The following ARHGEF18 variants were observed in gnomAD, a reference collection of about 807,000 sequenced individuals.
The protein encoded by ARHGEF18 is rho guanine nucleotide exchange factor 18.
ARHGEF18 carries 93 observed loss-of-function variants against 155.7 expected under a neutral mutation model. That is an observed-to-expected ratio of 0.60 (90% CI 0.50 to 0.71). The LOEUF (loss-of-function observed/expected upper bound fraction) is 0.71, where lower values mean the gene tolerates loss of function less well. ARHGEF18 is among the 30% of genes least tolerant of loss of function. The pLI is 0.00. For missense variants in ARHGEF18, 1,593 were observed against 1,816.1 expected (o/e 0.88, Z 2.23); for synonymous variants, 742 against 753.1 (o/e 0.99, Z 0.24).
rs74255765 is a variant in ARHGEF18, at chr19:7,364,456, A to T, written c.15+1551A>T. Among the ~76,000 whole-genome samples the T allele has an allele frequency of 4.3e-3, 656 of 152,096 alleles. 29 individuals are homozygous for T. In the East Asian group the frequency reaches 0.1, roughly 24 times the overall value. On this transcript the variant is annotated intron_variant, in intron 2 of 28. Transcript: ENST00000668164. ...CTAGAAAGGTAGACTGACTTGCCTA[A>T]GTTCCCGTCATGGCAGAGTTGGGAT...
intron 1 of ARHGEF18, among the ~76,000 whole-genome samples, chr19:7,353,352 G>T (rs1301434222): frequency 6.6e-6 from 1 of 151,858 alleles, no homozygotes. Context: ...ACTTTGGGAG[G>T]CTGAGGTGGT....
In ARHGEF18 at chr19:7,440,155, G is replaced by C; in HGVS notation, c.968-189G>C. The C allele has an allele frequency of 6.4e-7, 1 of 1,551,374 alleles. No homozygotes were observed. Among genetic ancestry groups the C allele is most frequent in the Non-Finnish European group, 8.7e-7 (1 of 1,146,934 alleles). Reference sequence around the variant, plus strand: ...GACAGGCACAGCGCGCTCCCCGGCCGCCCCGAGCTGTCTTTTTACGGCTCT... The same window carrying C: ...GACAGGCACAGCGCGCTCCCCGGCCCCCCCGAGCTGTCTTTTTACGGCTCT... On this transcript the variant is annotated intron_variant, in intron 10 of 28. Coordinates refer to ENST00000668164, the MANE Select transcript of ARHGEF18 (RefSeq NM_001367823.1). The surrounding 1 kb of genome is among the most constrained non-coding windows in gnomAD (Gnocchi z 5.4).
rs374185509 is a variant in ARHGEF18, at chr19:7,462,216, G to A, written c.2517G>A (p.Leu839=). 1 of 1,614,018 alleles carries A rather than the reference G, an allele frequency of 6.2e-7. No individual in the cohort carries two copies. Among genetic ancestry groups the A allele is most frequent in the Non-Finnish European group, 8.5e-7 (1 of 1,180,038 alleles). The change falls in exon 21 of 29, where the codon CTG becomes CTA. Residue 839 remains leucine (L), a synonymous_variant. Transcript: ENST00000668164. The surrounding 1 kb of genome is among the most constrained non-coding windows in gnomAD (Gnocchi z 4.4). ...TCCTAGAGAAACAGCAGATCTACCT[G>A]GAGATGGCCGAGATGGGCGGCCTCG... ...QSLLEKQQIY[L]EMAEMGGLED...
At chr19:7,409,057 CTTTTTTTTTTT>C (rs1013156166) in intron 10 of ARHGEF18, among the ~76,000 whole-genome samples, 2 of 115,534 alleles carry the variant, frequency 1.7e-5, no homozygotes, top group African/African-American at 7.4e-5. Flanking sequence ...GACCCTGTTT[CTTTTTTTTTTT>C]TTTTTTTTTG....
chr19:7,448,769 G>A (rs1975176545), intron 15 of ARHGEF18, among the ~76,000 whole-genome samples: 1 of 152,038 alleles, frequency 6.6e-6, no homozygotes, highest in Non-Finnish European at 1.5e-5. Context: ...TCCTTTGTGT[G>A]AGCGTGGGTA....
At chr19:7,380,179 A>G (rs919493850) in intron 7 of ARHGEF18, among the ~76,000 whole-genome samples, 1 of 151,202 alleles carries the variant, frequency 6.6e-6, no homozygotes, top group African/African-American at 2.4e-5. Flanking sequence ...CCCTGTTTAA[A>G]AAAAAAAAAA....
At chr19:7,434,666 T>A (rs1380649317) in intron 10 of ARHGEF18, among the ~76,000 whole-genome samples, 1 of 152,188 alleles carries the variant, frequency 6.6e-6, no homozygotes, top group Non-Finnish European at 1.5e-5. Context: ...GATAAATATG[T>A]ATCCCTGTCT....
At chr19:7,387,209 G>A (rs1005871770) in intron 10 of ARHGEF18, among the ~76,000 whole-genome samples, 1 of 152,064 alleles carries the variant, frequency 6.6e-6, no homozygotes, top group East Asian at 1.9e-4. Flanking sequence ...CTGGAGTACG[G>A]TGGCGCGATC....
chr19:7,360,382 CAT>C (rs1969496295), intron 1 of ARHGEF18, among the ~76,000 whole-genome samples: 1 of 152,064 alleles, frequency 6.6e-6, no homozygotes. Flanking sequence ...ATTATAAGCA[CAT>C]GCCACCATGC....
chr19:7,448,797 C>T (rs564818886), intron 15 of ARHGEF18, among the ~76,000 whole-genome samples: 57 of 152,196 alleles, frequency 3.7e-4, no homozygotes, highest in Admixed American at 1.3e-3. Context: ...GAAGCCCAGC[C>T]GGAGTCAGCC....
In ARHGEF18 at chr19:7,462,060, G is replaced by A. The variant is rs1489956020; in HGVS notation, c.2453-92G>A. On this transcript the variant is annotated intron_variant, in intron 20 of 28. Coordinates refer to ENST00000668164, the MANE Select transcript of ARHGEF18 (RefSeq NM_001367823.1). The surrounding 1 kb of genome is among the most constrained non-coding windows in gnomAD (Gnocchi z 4.4). ...CAGCCTACCTCAGGGCAGGGCCAGC[G>A]GGGTTCCTCATCCTTAGGCCAGTCC... 2.3e-5 allele frequency: 35 copies of A among 1,503,338 alleles called. No individual in the cohort carries two copies. The highest frequency in any genetic ancestry group is 2.3e-4 in the South Asian group (20 of 86,156). The allele number at this position is 1,503,338 out of a possible 1,614,324, so 93.1% of individuals were successfully genotyped here.
At position 7,469,941 on chromosome 19, in the gene ARHGEF18, G is replaced by A. The variant is rs2145923240; in HGVS notation, c.3825G>A (p.Lys1275=). 2 of 1,613,036 alleles carry A rather than the reference G, an allele frequency of 1.2e-6. No homozygotes were observed. Among genetic ancestry groups the A allele is most frequent in the East Asian group, 4.5e-5 (2 of 44,868 alleles). ...TGAAGCAGCAGCTGCTGCTCAACAA[G>A]CTCATGGGGAAAGATGAGAGCACCT... ...FDLKQQLLLN[K]LMGKDESTSR... is the part of the protein sequence containing the mutation. The change falls in exon 28 of 29, where the codon AAG becomes AAA. Residue 1275 remains lysine (K), a synonymous_variant. Coordinates refer to ENST00000668164, the MANE Select transcript of ARHGEF18 (RefSeq NM_001367823.1).
chr19:7,468,317 G>A lies in ARHGEF18; in HGVS notation c.3481-508G>A, dbSNP rs62109841. Among the ~76,000 whole-genome samples, 469 of 151,932 alleles carry A rather than the reference G, an allele frequency of 3.1e-3. 5 individuals carry two copies. The highest frequency in any genetic ancestry group is 5.6e-3 in the Non-Finnish European group (381 of 67,982). ...CCTAGCTACTCGGGAGGCTGAGGCC[G>A]GAGGATTGCTTGAGGCTAGGTATTT... is the stretch of plus-strand genomic sequence containing the variant. On this transcript the variant is annotated intron_variant, in intron 26 of 28. Coordinates refer to ENST00000668164, the MANE Select transcript of ARHGEF18 (RefSeq NM_001367823.1).
chr19:7,439,940 A>C (rs1412246649), intron 10 of ARHGEF18: 1 of 1,498,342 alleles, frequency 6.7e-7, no homozygotes, highest in African/African-American at 1.4e-5. Flanking sequence ...TTCCACAGTA[A>C]ATGGTCACAG....
At chr19:7,391,761 G>C (rs781087245) in intron 10 of ARHGEF18, among the ~76,000 whole-genome samples, 3 of 151,760 alleles carry the variant, frequency 2.0e-5, no homozygotes, top group Admixed American at 6.6e-5. Flanking sequence ...GGGAGCCACT[G>C]GCATCTAGGA....
intron 23 of ARHGEF18, among the ~76,000 whole-genome samples, chr19:7,464,901 A>G (rs1470878344): frequency 6.6e-6 from 1 of 152,220 alleles, no homozygotes; most frequent in South Asian, 2.1e-4. Context: ...GAGGTCCCCA[A>G]GAGGAAGGCT....
At position 7,376,777 on chromosome 19, in the gene ARHGEF18, C is replaced by T. The variant is rs943094906; in HGVS notation, c.541+20C>T. 4 of 1,229,692 alleles carry T rather than the reference C, an allele frequency of 3.3e-6. No individual in the cohort carries two copies. The highest frequency in any genetic ancestry group is 3.0e-6 in the Non-Finnish European group (3 of 983,984). 76.2% of individuals were successfully genotyped at this position (1,229,692 alleles called of 1,614,324 possible). A position where few individuals can be genotyped will look rare whatever the true frequency, so the allele number is the denominator to read the frequency against. On this transcript the variant is annotated intron_variant, in intron 5 of 28. Transcript: ENST00000668164. Reference sequence around the variant, plus strand: ...TTCAAGGTAGCCAGCCTGGGAGTTTCCTTCATTCAAACCAAGTCAGGGAAA... The same window carrying T: ...TTCAAGGTAGCCAGCCTGGGAGTTTTCTTCATTCAAACCAAGTCAGGGAAA...
At chr19:7,407,001 C>T (rs1600324648) in intron 10 of ARHGEF18, among the ~76,000 whole-genome samples, 1 of 139,346 alleles carries the variant, frequency 7.2e-6, no homozygotes, top group African/African-American at 2.7e-5. Context: ...GGAAGCAGAG[C>T]TTGCAGTGAG....
chr19:7,386,612 A>C (rs549605617), intron 10 of ARHGEF18, among the ~76,000 whole-genome samples: 2 of 152,002 alleles, frequency 1.3e-5, no homozygotes, highest in African/African-American at 4.8e-5. Flanking sequence ...TCGTAGGTGG[A>C]AAGGTCCCAG....
Sources: allele counts gnomAD v4.1 joint callset (sites outside exome capture counted in the v4.1 genomes callset), GRCh38; gene constraint gnomAD v4.1.1; non-coding constraint Gnocchi (gnomAD v3.1); transcripts MANE v1.5; gene names NCBI Gene and HGNC (gene_info 2026-07-23, HGNC 2026-07-21).